Variants in PPP3CA observed in about 807,000 individuals in gnomAD.
The protein encoded by PPP3CA is CAM-PRP catalytic subunit.
Under a neutral mutation model 66.5 loss-of-function variants are expected in PPP3CA, and 14 were observed. The ratio of observed to expected loss-of-function variants is 0.21; its 90% CI spans 0.14 to 0.33. The LOEUF (loss-of-function observed/expected upper bound fraction) is 0.33, where lower values mean the gene tolerates loss of function less well. Among genes scored for constraint, PPP3CA ranks in the 10% least tolerant of loss-of-function variants. The probability of loss-of-function intolerance (pLI) is 1.00; values close to 1 mark genes in which losing one functional copy is unlikely to be tolerated. For synonymous variants in PPP3CA, 232 were observed against 226.2 expected, an observed-to-expected ratio of 1.03 and a Z score of -0.23; for missense variants, 317 against 639.5, an observed-to-expected ratio of 0.50 and a Z score of 5.44.
intron 1 of PPP3CA, among the ~76,000 whole-genome samples, chr4:101,267,677 T>C (rs1005278415): frequency 4.6e-5 from 7 of 151,752 alleles, no homozygotes; most frequent in South Asian, 2.1e-4. Flanking sequence ...CAGATTAATA[T>C]TAACATACGC....
intron 1 of PPP3CA, among the ~76,000 whole-genome samples, chr4:101,225,974 A>G (rs889692446): frequency 1.8e-4 from 27 of 151,822 alleles, no homozygotes; most frequent in Non-Finnish European, 2.9e-4. Flanking sequence ...CTTTTAATAG[A>G]AAATAGTTAT....
At chr4:101,159,242 T>C (rs1177067493) in intron 2 of PPP3CA, among the ~76,000 whole-genome samples, 4 of 152,142 alleles carry the variant, frequency 2.6e-5, no homozygotes, top group Non-Finnish European at 4.4e-5. Context: ...GGAAAAGAAG[T>C]AGATTCTAAA....
intron 3 of PPP3CA, among the ~76,000 whole-genome samples, chr4:101,106,447 A>AGAGAAG (rs1273890435): frequency 1.6e-4 from 1 of 6,226 alleles, no homozygotes; most frequent in Non-Finnish European, 3.6e-4. Context: ...GAAAGAAAGA[A>AGAGAAG]AGAAAGAGAA....
chr4:101,112,321 C>G (rs1242989309), intron 2 of PPP3CA, among the ~76,000 whole-genome samples: 1 of 152,054 alleles, frequency 6.6e-6, no homozygotes, highest in African/African-American at 2.4e-5. Context: ...TCTATAATAA[C>G]TTTGTGATAA....
chr4:101,051,783 G>A (rs1380643573), intron 10 of PPP3CA, among the ~76,000 whole-genome samples: 1 of 152,052 alleles, frequency 6.6e-6, no homozygotes, highest in African/African-American at 2.4e-5. Context: ...GCTTAGATAT[G>A]CAATAGCTAA....
intron 2 of PPP3CA, among the ~76,000 whole-genome samples, chr4:101,165,109 A>G (rs1723650557): frequency 6.6e-6 from 1 of 152,152 alleles, no homozygotes; most frequent in East Asian, 1.9e-4. Context: ...GCGATTAAAC[A>G]AAACGGCAGC....
In PPP3CA at chr4:101,346,914, C is replaced by A. The variant is rs1005877986; in HGVS notation, c.-118G>T. 5.5e-6 allele frequency: 6 copies of A among 1,099,472 alleles called. No homozygotes were observed. The highest frequency in any genetic ancestry group is 2.8e-5 in the South Asian group (2 of 71,120). The allele number at this position is 1,099,472 out of a possible 1,614,324, so 68.1% of individuals were successfully genotyped here. On this transcript the variant is annotated 5_prime_UTR_variant, in exon 1 of 14. Coordinates refer to ENST00000394854, the MANE Select transcript of PPP3CA (RefSeq NM_000944.5). ...CCGCCGCCGCCGCCGCGCTGCAAACCGCTCGGCTGGAGGTCTAGGCTCTGA... is the reference window on the plus strand; with the variant it reads ...CCGCCGCCGCCGCCGCGCTGCAAACAGCTCGGCTGGAGGTCTAGGCTCTGA...
intron 1 of PPP3CA, among the ~76,000 whole-genome samples, chr4:101,226,427 G>A (rs956982012): frequency 1.3e-5 from 2 of 151,680 alleles, no homozygotes; most frequent in Non-Finnish European, 2.9e-5. Context: ...GTGCATATTT[G>A]TAACACAAAT....
At chr4:101,303,338 A>G (rs1455395712) in intron 1 of PPP3CA, among the ~76,000 whole-genome samples, 2 of 152,186 alleles carry the variant, frequency 1.3e-5, no homozygotes, top group African/African-American at 2.4e-5. Flanking sequence ...CTAGGGAAAT[A>G]TCCTTATTTT....
intron 3 of PPP3CA, among the ~76,000 whole-genome samples, chr4:101,106,392 A>G (rs201850435): frequency 0.093 from 684 of 7,394 alleles, 41 homozygotes; most frequent in Non-Finnish European, 0.14. Flanking sequence ...AAAGAAAGAA[A>G]GAAAGAAAGA....
Position 101,023,430 on chromosome 4 carries a change from CTTATT to C in PPP3CA, c.*2430_*2434del, listed in dbSNP as rs1439314833. 1 of 152,150 alleles carries C rather than the reference CTTATT, an allele frequency of 6.6e-6. No individual in the cohort carries two copies. The highest frequency in any genetic ancestry group is 1.5e-5 in the Non-Finnish European group (1 of 68,026). The allele number at this position is 152,150 out of a possible 1,614,324, so 9.4% of individuals were successfully genotyped here. A position where few individuals can be genotyped will look rare whatever the true frequency, so the allele number is the denominator to read the frequency against. On this transcript the variant is annotated 3_prime_UTR_variant, in exon 14 of 14. Transcript: ENST00000394854. ...GACCAAGCAATACTCACATCAACTGCTTATTTTAATGTCAAATGTTTATTTCTATG... is the reference window on the plus strand; with the variant it reads ...GACCAAGCAATACTCACATCAACTGCTTAATGTCAAATGTTTATTTCTATG...
At chr4:101,274,539 C>T (rs1727431748) in intron 1 of PPP3CA, among the ~76,000 whole-genome samples, 1 of 152,172 alleles carries the variant, frequency 6.6e-6, no homozygotes, top group Non-Finnish European at 1.5e-5. Flanking sequence ...AAATACTAAA[C>T]CCACACTACA....
intron 1 of PPP3CA, among the ~76,000 whole-genome samples, chr4:101,342,932 C>T (rs1325463297): frequency 6.6e-6 from 1 of 152,158 alleles, no homozygotes; most frequent in African/African-American, 2.4e-5. Flanking sequence ...TAACTAGCAT[C>T]TTCTTGCTTC....
chr4:101,093,403 TTTG>T lies in PPP3CA; in HGVS notation c.782+370_782+372del, dbSNP rs1417371377. The stretch of plus-strand genomic sequence containing the variant: ...GTATTTTCTGATTAAGGTATGTACA[TTTG>T]TTTTTTTTTTTTTAGATACAATGCT... On this transcript the variant is annotated intron_variant, in intron 6 of 13. Coordinates refer to ENST00000394854, the MANE Select transcript of PPP3CA (RefSeq NM_000944.5). Among the ~76,000 whole-genome samples, 4 of 142,588 alleles carry T rather than the reference TTTG, an allele frequency of 2.8e-5. No individual in the cohort carries two copies. The South Asian group carries it at 7.2e-4, about 26-fold the overall frequency. 93.5% of individuals were successfully genotyped at this position (142,588 alleles called of 152,430 possible). A position where few individuals can be genotyped will look rare whatever the true frequency, so the allele number is the denominator to read the frequency against.
intron 9 of PPP3CA, among the ~76,000 whole-genome samples, chr4:101,062,928 C>G (rs1036233734): frequency 2.0e-5 from 3 of 151,858 alleles, no homozygotes; most frequent in Non-Finnish European, 4.4e-5. Flanking sequence ...GTAGACATTA[C>G]TTGAAACCAG....
intron 1 of PPP3CA, among the ~76,000 whole-genome samples, chr4:101,252,309 G>T (rs1726702933): frequency 6.6e-6 from 1 of 152,134 alleles, no homozygotes; most frequent in Non-Finnish European, 1.5e-5. Flanking sequence ...TAAATTATTT[G>T]TTGGTTTGTC....
At chr4:101,054,285 T>C (rs1051644277) in intron 10 of PPP3CA, among the ~76,000 whole-genome samples, 2 of 152,108 alleles carry the variant, frequency 1.3e-5, no homozygotes, top group Non-Finnish European at 1.5e-5. Flanking sequence ...TGGCTCTTAG[T>C]ATATGTGCTG....
chr4:101,069,287 G>T (rs537487604), intron 8 of PPP3CA, among the ~76,000 whole-genome samples: 4 of 152,152 alleles, frequency 2.6e-5, no homozygotes, highest in African/African-American at 7.2e-5. Flanking sequence ...GAAGCTATGA[G>T]AATTATTTTG....
intron 1 of PPP3CA, among the ~76,000 whole-genome samples, chr4:101,226,932 A>C (rs1272919611): frequency 2.0e-5 from 3 of 151,654 alleles, no homozygotes; most frequent in Non-Finnish European, 4.4e-5. Context: ...GGTTCAGGAT[A>C]ATTATTTTTT....
Sources: gnomAD v4.1 joint callset for allele counts (sites outside exome capture counted in the v4.1 genomes callset) on GRCh38, gnomAD v4.1.1 for gene constraint, MANE v1.5 for transcripts, NCBI Gene and HGNC (gene_info 2026-07-23, HGNC 2026-07-21) for gene names.